CFAP20DC: variants seen among roughly 807,000 people sequenced by gnomAD.
CFAP20DC encodes the protein protein CFAP20DC.
Under a neutral mutation model 101.7 loss-of-function variants are expected in CFAP20DC, and 84 were observed. The observed-to-expected ratio is 0.83, with a 90% CI of 0.69 to 0.99. CFAP20DC has a LOEUF of 0.99. Ranked by LOEUF, CFAP20DC falls within the 50% of genes least tolerant of loss-of-function variation. The probability of loss-of-function intolerance (pLI) is 0.00; values close to 1 mark genes in which losing one functional copy is unlikely to be tolerated. For missense variants in CFAP20DC, 1,007 were observed against 970.3 expected, an observed-to-expected ratio of 1.04 and a Z score of -0.50; for synonymous variants, 359 against 351.2, an observed-to-expected ratio of 1.02 and a Z score of -0.25.
chr3:58,773,993 A>ATT (rs879533130), intron 15 of CFAP20DC, among the ~76,000 whole-genome samples: 1 of 147,384 alleles, frequency 6.8e-6, no homozygotes. Flanking sequence ...TTCCTTTCAA[A>ATT]TTTTTTTTTT....
intron 4 of CFAP20DC, among the ~76,000 whole-genome samples, chr3:58,966,281 G>A (rs1015342668): frequency 2.0e-5 from 3 of 152,158 alleles, no homozygotes; most frequent in African/African-American, 7.2e-5. Context: ...AGGCAGAGAG[G>A]AGGTCTTGGC....
chr3:58,976,608 C>T (rs2092288755), intron 4 of CFAP20DC, among the ~76,000 whole-genome samples: 1 of 152,308 alleles, frequency 6.6e-6, no homozygotes, highest in East Asian at 1.9e-4. Flanking sequence ...ACAAGAGGTC[C>T]TCTAATAACA....
chr3:58,804,154 G>A (rs893453893), intron 15 of CFAP20DC, among the ~76,000 whole-genome samples: 1 of 152,170 alleles, frequency 6.6e-6, no homozygotes, highest in Non-Finnish European at 1.5e-5. Context: ...TGGCCTCAGA[G>A]AGCATGCAAC....
chr3:58,957,304 A>G (rs2090722874), intron 4 of CFAP20DC, among the ~76,000 whole-genome samples: 1 of 152,314 alleles, frequency 6.6e-6, no homozygotes, highest in South Asian at 2.1e-4. Flanking sequence ...CTATAGTGAG[A>G]TACCTTCCCC....
chr3:58,922,204 T>C (rs982338839), intron 5 of CFAP20DC, among the ~76,000 whole-genome samples: 1 of 152,234 alleles, frequency 6.6e-6, no homozygotes, highest in Non-Finnish European at 1.5e-5. Context: ...ATAATGACTT[T>C]GATACGTTTG....
chr3:59,012,649 G>C (rs2093609477), intron 4 of CFAP20DC, among the ~76,000 whole-genome samples: 1 of 152,170 alleles, frequency 6.6e-6, no homozygotes, highest in Non-Finnish European at 1.5e-5. Context: ...TTTTAGACAT[G>C]TATTTCTAGA....
At chr3:58,999,973 A>G (rs940605098) in intron 4 of CFAP20DC, among the ~76,000 whole-genome samples, 1 of 152,032 alleles carries the variant, frequency 6.6e-6, no homozygotes, top group African/African-American at 2.4e-5. Context: ...ACAACCTTGC[A>G]TGAAGGCCAT....
At chr3:58,836,358 A>G (rs188853948) in intron 13 of CFAP20DC, among the ~76,000 whole-genome samples, 1 of 152,206 alleles carries the variant, frequency 6.6e-6, no homozygotes, top group Non-Finnish European at 1.5e-5. Flanking sequence ...CAACCTTTCA[A>G]CTTGATGTCC....
chr3:59,014,255 T>C lies in CFAP20DC; in HGVS notation c.278+25302A>G, dbSNP rs1166055656. 6.6e-6 allele frequency among the ~76,000 whole-genome samples: 1 copy of C among 152,100 alleles called. No individual in the cohort carries two copies. The highest frequency in any genetic ancestry group is 1.5e-5 in the Non-Finnish European group (1 of 68,020). ...TGGGAAAAAAAGATCGACCTTAAAC[T>C]AGATTTCCAACATTTCCATCTGTAT... is the stretch of plus-strand genomic sequence containing the variant. On this transcript the variant is annotated intron_variant, in intron 4 of 16. Transcript: ENST00000482387. This position sits in a 1 kb window ranked among gnomAD's most constrained non-coding sequence, Gnocchi z 4.9.
Position 58,905,801 on chromosome 3 carries a change from G to A in CFAP20DC, c.550+7907C>T, listed in dbSNP as rs188359868. ...TCTCAACACAGCCTCATCAGTCTTT[G>A]CAGAATAAAGACAAAAGATATCTGT... On this transcript the variant is annotated intron_variant, in intron 6 of 16. Coordinates refer to ENST00000482387, the MANE Select transcript of CFAP20DC (RefSeq NM_001394063.1). Among the ~76,000 whole-genome samples, 20 of 152,316 alleles carry A rather than the reference G, an allele frequency of 1.3e-4. 1 individual carries two copies. The highest frequency in any genetic ancestry group is 6.5e-4 in the Admixed American group (10 of 15,288).
intron 7 of CFAP20DC, among the ~76,000 whole-genome samples, chr3:58,871,877 C>T (rs987512918): frequency 7.9e-5 from 12 of 152,054 alleles, no homozygotes; most frequent in Non-Finnish European, 1.5e-4. Flanking sequence ...TCAGCCATTT[C>T]CTGGCCCCCA....
At chr3:58,807,279 C>T (rs539804014) in intron 14 of CFAP20DC, among the ~76,000 whole-genome samples, 1 of 152,280 alleles carries the variant, frequency 6.6e-6, no homozygotes, top group East Asian at 1.9e-4. Flanking sequence ...GGGTCCCTGA[C>T]CCCTGACCTC....
At chr3:58,852,512 C>G in intron 12 of CFAP20DC, among the ~76,000 whole-genome samples, 1 of 152,114 alleles carries the variant, frequency 6.6e-6, no homozygotes, top group Non-Finnish European at 1.5e-5. Context: ...ACAGAACTCT[C>G]CACCCCAAAT....
Position 59,019,011 on chromosome 3 carries a change from C to G in CFAP20DC, c.278+20546G>C, listed in dbSNP as rs544118396. Reference sequence around the variant, plus strand: ...AAAATGTTAATAATTGGTGAATATGCGTGAAAGGTATATGGTAGTTCTTTG... The same window carrying G: ...AAAATGTTAATAATTGGTGAATATGGGTGAAAGGTATATGGTAGTTCTTTG... On this transcript the variant is annotated intron_variant, in intron 4 of 16. Transcript: ENST00000482387. The G allele has an allele frequency of 2.0e-4, 30 of 151,958 alleles. 1 individual carries two copies. Among genetic ancestry groups the G allele is most frequent in the Admixed American group, 1.9e-3 (29 of 15,258 alleles). 9.4% of individuals were successfully genotyped at this position (151,958 alleles called of 1,614,324 possible). A position where few individuals can be genotyped will look rare whatever the true frequency, so the allele number is the denominator to read the frequency against.
chr3:58,763,263 T>C (rs1243948066), intron 15 of CFAP20DC, among the ~76,000 whole-genome samples: 2 of 152,076 alleles, frequency 1.3e-5, no homozygotes, highest in African/African-American at 4.8e-5. Context: ...CTCTAAACTT[T>C]TCTTGTCGCT....
At chr3:58,759,839 G>C (rs1292468761) in intron 15 of CFAP20DC, among the ~76,000 whole-genome samples, 1 of 152,254 alleles carries the variant, frequency 6.6e-6, no homozygotes, top group African/African-American at 2.4e-5. Context: ...AAGATCAGAT[G>C]GTTGTAGATA....
intron 4 of CFAP20DC, among the ~76,000 whole-genome samples, chr3:58,958,603 C>T (rs1321895543): frequency 6.6e-6 from 1 of 152,202 alleles, no homozygotes; most frequent in African/African-American, 2.4e-5. Flanking sequence ...TCATTCTCTT[C>T]ACATCCTCAC....
chr3:58,794,015 G>A (rs2073051042), intron 15 of CFAP20DC, among the ~76,000 whole-genome samples: 1 of 152,188 alleles, frequency 6.6e-6, no homozygotes, highest in Admixed American at 6.5e-5. Context: ...ATGAGAGTAT[G>A]TACAATTCTA....
intron 15 of CFAP20DC, among the ~76,000 whole-genome samples, chr3:58,762,528 C>T (rs1177634669): frequency 2.0e-5 from 3 of 152,074 alleles, no homozygotes; most frequent in South Asian, 2.1e-4. Flanking sequence ...GAGCATTTAG[C>T]CCATTTACAT....
Sources: allele counts gnomAD v4.1 joint callset (sites outside exome capture counted in the v4.1 genomes callset), GRCh38; gene constraint gnomAD v4.1.1; non-coding constraint Gnocchi (gnomAD v3.1); transcripts MANE v1.5; gene names NCBI Gene and HGNC (gene_info 2026-07-23, HGNC 2026-07-21).